The following DAB1 variants were observed in gnomAD, a reference collection of about 807,000 sequenced individuals.
DAB1 encodes the protein disabled homolog 1.
DAB1 carries 15 observed loss-of-function variants against 64.6 expected under a neutral mutation model. That is an observed-to-expected ratio of 0.23 (90% confidence interval 0.16 to 0.36). DAB1 has a LOEUF of 0.36. Ranked by LOEUF, DAB1 falls within the 10% of genes least tolerant of loss-of-function variation. The pLI, the probability that DAB1 is intolerant of heterozygous loss-of-function variation, is 1.00. For synonymous variants in DAB1, 235 were observed against 251.9 expected, an observed-to-expected ratio of 0.93 and a Z score of 0.64; for missense variants, 596 against 706.7, an observed-to-expected ratio of 0.84 and a Z score of 1.78.
chr1:57,165,851 T>A (rs1485539328), intron 2 of DAB1, among the ~76,000 whole-genome samples: 1 of 152,118 alleles, frequency 6.6e-6, no homozygotes, highest in African/African-American at 2.4e-5. Flanking sequence ...CTTTAAGAAG[T>A]CCCCAGTCTA....
rs114359147 is a variant in DAB1 at position 57,342,090 on chromosome 1, A to G, written c.-136-50924T>C. Among the ~76,000 whole-genome samples the G allele has an allele frequency of 4.0e-3, 605 of 152,360 alleles. 5 individuals carry two copies. Among genetic ancestry groups the G allele is most frequent in the African/African-American group, 0.014 (578 of 41,578 alleles). On this transcript the variant is annotated intron_variant, in intron 1 of 14. Transcript: ENST00000371236. The stretch of plus-strand genomic sequence containing the variant: ...AGACAGGGTTAAGTTACTGACTTAT[A>G]CATAGTTTGCTCCAACCTTTCAGAA...
At chr1:58,387,671 C>T (rs1261473700) in intron 3 of DAB1, among the ~76,000 whole-genome samples, 2 of 150,842 alleles carry the variant, frequency 1.3e-5, no homozygotes, top group Non-Finnish European at 3.0e-5. Flanking sequence ...TTAATCTTTC[C>T]TGGTTATTTG....
At chr1:57,529,492 A>G (rs181365973) in intron 7 of DAB1, among the ~76,000 whole-genome samples, 1 of 152,254 alleles carries the variant, frequency 6.6e-6, no homozygotes, top group East Asian at 1.9e-4. Flanking sequence ...AATGCCCTTG[A>G]AATACAAAAA....
chr1:58,384,777 T>C (rs1162962882), intron 3 of DAB1, among the ~76,000 whole-genome samples: 7 of 152,220 alleles, frequency 4.6e-5, no homozygotes, highest in Non-Finnish European at 2.9e-5. Context: ...CTGAATAACT[T>C]CGAGTCTGAT....
intron 1 of DAB1, among the ~76,000 whole-genome samples, chr1:57,837,859 C>A (rs1652880734): frequency 6.7e-6 from 1 of 148,400 alleles, no homozygotes; most frequent in Non-Finnish European, 1.5e-5. Flanking sequence ...ACCATCTCCA[C>A]CATTTCCGCT....
At chr1:58,255,175 AT>A (rs1168721456) in intron 4 of DAB1, among the ~76,000 whole-genome samples, 3 of 142,606 alleles carry the variant, frequency 2.1e-5, no homozygotes, top group Admixed American at 1.4e-4. Flanking sequence ...TTTTTCATGT[AT>A]TTTTTGGCTG....
At chr1:58,531,108 G>A (rs1041740908) in intron 1 of DAB1, among the ~76,000 whole-genome samples, 1 of 152,230 alleles carries the variant, frequency 6.6e-6, no homozygotes, top group South Asian at 2.1e-4. Context: ...TTACTAAAAG[G>A]ACCAGAAATC....
At chr1:57,862,913 CA>C (rs1221248857) in intron 1 of DAB1, 1 of 152,154 alleles carries the variant, frequency 6.6e-6, no homozygotes, top group Non-Finnish European at 1.5e-5. Context: ...TGCAAACCAG[CA>C]ATCCCACTTC....
intron 6 of DAB1, among the ~76,000 whole-genome samples, chr1:57,650,721 C>G (rs1275105864): frequency 6.6e-6 from 1 of 152,066 alleles, no homozygotes; most frequent in African/African-American, 2.4e-5. Context: ...AAGAAGCAAA[C>G]AGAAGTTTCA....
At chr1:58,086,113 G>A (rs895393216) in intron 5 of DAB1, among the ~76,000 whole-genome samples, 2 of 151,004 alleles carry the variant, frequency 1.3e-5, no homozygotes, top group Non-Finnish European at 3.0e-5. Flanking sequence ...ACAGGCGCCC[G>A]CCACTACGCC....
chr1:57,098,095 T>A (rs560783649), intron 4 of DAB1, among the ~76,000 whole-genome samples: 101 of 152,332 alleles, frequency 6.6e-4, no homozygotes, highest in African/African-American at 2.4e-3. Context: ...ATTTATTTTT[T>A]AATAAGCTGT....
chr1:57,321,218 C>CA (rs1485406190), intron 1 of DAB1, among the ~76,000 whole-genome samples: 1 of 152,066 alleles, frequency 6.6e-6, no homozygotes, highest in Admixed American at 6.6e-5. Flanking sequence ...AAATAGAATC[C>CA]AAAAAATGTA....
At chr1:57,249,999 C>G (rs1669202347) in intron 2 of DAB1, among the ~76,000 whole-genome samples, 1 of 152,152 alleles carries the variant, frequency 6.6e-6, no homozygotes. Flanking sequence ...AGAAGGCAAG[C>G]CCTGTGTCTT....
At chr1:57,356,624 T>C (rs1260115190) in intron 1 of DAB1, among the ~76,000 whole-genome samples, 1 of 152,010 alleles carries the variant, frequency 6.6e-6, no homozygotes, top group Non-Finnish European at 1.5e-5. Flanking sequence ...CCTAGGATAT[T>C]TCTAAGTATT....
chr1:58,335,287 C>T (rs1464900782), intron 4 of DAB1, among the ~76,000 whole-genome samples: 1 of 152,160 alleles, frequency 6.6e-6, no homozygotes, highest in African/African-American at 2.4e-5. Flanking sequence ...GGCAAGAGAA[C>T]AGTAAGAGAG....
At chr1:57,321,012 A>G (rs1675672366) in intron 1 of DAB1, among the ~76,000 whole-genome samples, 1 of 152,210 alleles carries the variant, frequency 6.6e-6, no homozygotes, top group South Asian at 2.1e-4. Context: ...GGAGATTAAT[A>G]CAGCTTAAAA....
At chr1:58,400,493 T>C (rs1300106934) in intron 3 of DAB1, among the ~76,000 whole-genome samples, 2 of 152,152 alleles carry the variant, frequency 1.3e-5, no homozygotes, top group Non-Finnish European at 2.9e-5. Context: ...GTATTTACTA[T>C]TGATGTGATC....
chr1:57,323,040 T>G (rs1002216613), intron 1 of DAB1, among the ~76,000 whole-genome samples: 1 of 48,668 alleles, frequency 2.1e-5, no homozygotes, highest in Admixed American at 2.4e-4. Context: ...CTCAGGAGAG[T>G]TCTGAGATTT....
chr1:57,106,264 C>CG lies in DAB1; in HGVS notation c.306+30278_306+30279insC, dbSNP rs542920139. 1.6e-4 allele frequency among the ~76,000 whole-genome samples: 25 copies of CG among 151,586 alleles called. No homozygotes were observed. In the South Asian group the frequency reaches 4.2e-3, roughly 26 times the overall value. On this transcript the variant is annotated intron_variant, in intron 4 of 14. Transcript: ENST00000371236. ...TTCATTTATCCCCCTAACACCCCCCCCCATCAGTATTATCTCTGCATTGAA... is the reference window on the plus strand; with the variant it reads ...TTCATTTATCCCCCTAACACCCCCCCGCCATCAGTATTATCTCTGCATTGAA...
Sources: gnomAD v4.1 joint callset for allele counts (sites outside exome capture counted in the v4.1 genomes callset) on GRCh38, gnomAD v4.1.1 for gene constraint, MANE v1.5 for transcripts, NCBI Gene and HGNC (gene_info 2026-07-23, HGNC 2026-07-21) for gene names.